Variants in HHAT observed in about 807,000 individuals in gnomAD.
HHAT encodes hedgehog acyltransferase.
A neutral mutation model predicts 70.8 loss-of-function variants in HHAT; 47 were observed. The observed-to-expected ratio is 0.66, with a 90% CI of 0.53 to 0.85. The LOEUF is 0.85. Among genes scored for constraint, HHAT ranks in the 40% least tolerant of loss-of-function variants. The probability of loss-of-function intolerance (pLI) is 0.00; values close to 1 mark genes in which losing one functional copy is unlikely to be tolerated. For missense variants in HHAT, 609 were observed against 604.8 expected (o/e 1.01, Z -0.07); for synonymous variants, 228 against 247.6 (o/e 0.92, Z 0.74).
chr1:210,511,657 A>C, intron 8 of HHAT, among the ~76,000 whole-genome samples: 1 of 151,990 alleles, frequency 6.6e-6, no homozygotes, highest in African/African-American at 2.4e-5. Flanking sequence ...CTCAGGCCCT[A>C]CTCAGTCAGA....
At chr1:210,566,667 G>A (rs1450658579) in intron 9 of HHAT, among the ~76,000 whole-genome samples, 10 of 151,978 alleles carry the variant, frequency 6.6e-5, no homozygotes, top group East Asian at 1.9e-4. Context: ...AGGGGAGATC[G>A]GCCGCTAGAT....
At chr1:210,436,286 A>G (rs11809771) in intron 7 of HHAT, among the ~76,000 whole-genome samples, 40,867 of 150,792 alleles carry the variant, frequency 0.27, 6,554 homozygotes, top group African/African-American at 0.39. Context: ...ATGGATTTAT[A>G]TCTGGGTTCT....
At chr1:210,654,406 G>A (rs1284264168) in intron 11 of HHAT, among the ~76,000 whole-genome samples, 1 of 152,136 alleles carries the variant, frequency 6.6e-6, no homozygotes, top group Non-Finnish European at 1.5e-5. Context: ...GCTCTCCAAG[G>A]GCAGAAGCCA....
intron 1 of HHAT, among the ~76,000 whole-genome samples, chr1:210,347,341 C>T (rs1464377457): frequency 2.0e-5 from 3 of 152,218 alleles, no homozygotes; most frequent in Non-Finnish European, 2.9e-5. Context: ...TCCACTTCCA[C>T]CTACTTCACC....
At chr1:210,588,242 G>A (rs1660921244) in intron 10 of HHAT, 143 bp downstream of exon 10, 1 of 648,788 alleles carries the variant, frequency 1.5e-6, no homozygotes, top group Non-Finnish European at 2.6e-6. Context: ...CTAGAGGCAA[G>A]ACAGCTGGAA....
chr1:210,492,017 C>T (rs776095528), intron 8 of HHAT, among the ~76,000 whole-genome samples: 4 of 152,182 alleles, frequency 2.6e-5, no homozygotes, highest in Non-Finnish European at 5.9e-5. Context: ...CCTGCCTCGG[C>T]CTCCCAAAGT....
chr1:210,641,617 A>G (rs1169508803), intron 11 of HHAT, among the ~76,000 whole-genome samples: 1 of 152,252 alleles, frequency 6.6e-6, no homozygotes, highest in Non-Finnish European at 1.5e-5. Context: ...GATGCATTAG[A>G]GAACAATTCA....
upstream of HHAT, chr1:210,328,172 G>A (rs187499367): frequency 3.9e-5 from 6 of 152,306 alleles, no homozygotes; most frequent in East Asian, 9.7e-4. Context: ...TTGGTTTGGG[G>A]AGGGATCCAG....
intron 11 of HHAT, among the ~76,000 whole-genome samples, chr1:210,667,699 G>A (rs1245913013): frequency 1.3e-5 from 2 of 151,716 alleles, no homozygotes; most frequent in Admixed American, 6.6e-5. Context: ...ACCTGTCGCC[G>A]CCCAGCCCCA....
chr1:210,375,543 G>A (rs2090120028), intron 3 of HHAT, among the ~76,000 whole-genome samples: 2 of 151,682 alleles, frequency 1.3e-5, no homozygotes, highest in Non-Finnish European at 2.9e-5. Context: ...CCAGAGTTGG[G>A]TCTTTTTTCT....
Position 210,464,546 on chromosome 1 carries a change from T to C in HHAT, c.898T>C (p.Tyr300His), listed in dbSNP as rs756776629. ...CCAGGTGCTCTTTTTCTACGTGAAGTACTTGGTGCTCTTTGGCGTGCCTGC... is the reference window on the plus strand; with the variant it reads ...CCAGGTGCTCTTTTTCTACGTGAAGCACTTGGTGCTCTTTGGCGTGCCTGC... ...LAQVLFFYVK[Y>H]LVLFGVPALL... is the part of the protein sequence containing the mutation. Residue 300 changes from tyrosine to histidine, a missense_variant, in exon 8 of 12, where the codon TAC (tyrosine) becomes CAC (histidine). Physicochemically the swap from Tyr to His is moderately conservative, Grantham distance 83. Coordinates refer to ENST00000261458, the MANE Select transcript of HHAT (RefSeq NM_018194.6). 11 of 1,614,186 alleles carry C rather than the reference T, an allele frequency of 6.8e-6. No individual in the cohort carries two copies. The highest frequency in any genetic ancestry group is 8.5e-6 in the Non-Finnish European group (10 of 1,180,024).
At chr1:210,556,959 G>C (rs1006982972) in intron 9 of HHAT, among the ~76,000 whole-genome samples, 2 of 152,192 alleles carry the variant, frequency 1.3e-5, no homozygotes, top group African/African-American at 4.8e-5. Context: ...GCGTAGGATT[G>C]TGGCTGTAGA....
chr1:210,649,148 A>G (rs1321226559), intron 11 of HHAT, among the ~76,000 whole-genome samples: 6 of 152,204 alleles, frequency 3.9e-5, no homozygotes, highest in Non-Finnish European at 8.8e-5. Context: ...CTATATATTC[A>G]ACTCTGGTAA....
intron 8 of HHAT, among the ~76,000 whole-genome samples, chr1:210,477,648 A>G (rs996649045): frequency 6.6e-5 from 10 of 152,224 alleles, no homozygotes; most frequent in African/African-American, 1.9e-4. Flanking sequence ...TTTCTGGGAA[A>G]CTTGCTAGCT....
rs1453323335 is a variant in HHAT, at chr1:210,348,838, A to G, written c.-43-95A>G. ...TATGTCTGTATCACCTTGAATAGTG[A>G]TGGGTCTCCGGGAGTGTGAACTAAC... On this transcript the variant is annotated intron_variant, in intron 1 of 11. Transcript: ENST00000261458. 4.0e-6 allele frequency: 5 copies of G among 1,261,532 alleles called. No individual in the cohort carries two copies. In the East Asian group the frequency reaches 1.0e-4, roughly 26 times the overall value. 78.1% of individuals were successfully genotyped at this position (1,261,532 alleles called of 1,614,324 possible).
At chr1:210,604,402 A>AACTATTGTTTTATT (rs1333652186) in intron 10 of HHAT, among the ~76,000 whole-genome samples, 23 of 152,040 alleles carry the variant, frequency 1.5e-4, no homozygotes, top group Non-Finnish European at 1.9e-4. Context: ...AGTTTTATTG[A>AACTATTGTTTTATT]GAGGGAATAT....
At chr1:210,608,329 T>A (rs944309949) in intron 10 of HHAT, among the ~76,000 whole-genome samples, 5 of 152,250 alleles carry the variant, frequency 3.3e-5, no homozygotes, top group African/African-American at 1.2e-4. Context: ...GAATACTCTG[T>A]GCTTTCCTCA....
chr1:210,564,522 A>T (rs1230197649), intron 9 of HHAT, among the ~76,000 whole-genome samples: 2 of 152,392 alleles, frequency 1.3e-5, no homozygotes, highest in East Asian at 1.9e-4. Context: ...AGTGGAATGT[A>T]TGCCATCCTA....
chr1:210,533,633 G>A (rs2095338591), intron 9 of HHAT, among the ~76,000 whole-genome samples: 1 of 152,170 alleles, frequency 6.6e-6, no homozygotes, highest in Admixed American at 6.5e-5. Context: ...GAGAGTGGCA[G>A]CATTTGTATA....
Sources: allele counts gnomAD v4.1 joint callset (sites outside exome capture counted in the v4.1 genomes callset), GRCh38; gene constraint gnomAD v4.1.1; transcripts MANE v1.5; gene names NCBI Gene and HGNC (gene_info 2026-07-23, HGNC 2026-07-21).